The following JMJD1C variants were observed in gnomAD, a reference collection of about 807,000 sequenced individuals.
JMJD1C encodes the protein jumonji domain-containing protein 1C.
A neutral mutation model predicts 245.3 loss-of-function variants in JMJD1C; 31 were observed. That is an observed-to-expected ratio of 0.13 (90% CI 0.09 to 0.17). JMJD1C has a LOEUF of 0.17. JMJD1C is among the 10% of genes least tolerant of loss of function. The probability of loss-of-function intolerance (pLI) is 1.00; values close to 1 mark genes in which losing one functional copy is unlikely to be tolerated. For synonymous variants in JMJD1C, 1,057 were observed against 1,017.4 expected, an observed-to-expected ratio of 1.04 and a Z score of -0.74; for missense variants, 2,691 against 3,000.2, an observed-to-expected ratio of 0.90 and a Z score of 2.41.
chr10:63,338,976 T>C (rs1392153550), intron 2 of JMJD1C, among the ~76,000 whole-genome samples: 17 of 152,186 alleles, frequency 1.1e-4, no homozygotes, highest in Admixed American at 1.1e-3. Context: ...TCATCTTGTG[T>C]AGTATGAAAG....
At chr10:63,501,619 T>C (rs1279661020) in intron 1 of JMJD1C, among the ~76,000 whole-genome samples, 1 of 151,992 alleles carries the variant, frequency 6.6e-6, no homozygotes, top group Non-Finnish European at 1.5e-5. Flanking sequence ...CTACTAAAAA[T>C]ACAAAAATTA....
At chr10:63,390,535 CATT>C (rs2134595717) in intron 1 of JMJD1C, among the ~76,000 whole-genome samples, 1 of 151,632 alleles carries the variant, frequency 6.6e-6, no homozygotes, top group South Asian at 2.1e-4. Flanking sequence ...AAGAGGCCAG[CATT>C]ATATTACCCT....
At chr10:63,317,703 C>T (rs1237598114) in intron 2 of JMJD1C, among the ~76,000 whole-genome samples, 1 of 152,172 alleles carries the variant, frequency 6.6e-6, no homozygotes, top group Non-Finnish European at 1.5e-5. Flanking sequence ...CACCAGAATG[C>T]CAATGGTGCA....
chr10:63,365,911 T>C (rs575074463), intron 2 of JMJD1C, among the ~76,000 whole-genome samples: 6 of 152,210 alleles, frequency 3.9e-5, no homozygotes, highest in Non-Finnish European at 8.8e-5. Context: ...TCTTGGCTGA[T>C]ACGAGTGTTT....
intron 2 of JMJD1C, among the ~76,000 whole-genome samples, chr10:63,366,265 G>A (rs1323939068): frequency 6.6e-6 from 1 of 152,114 alleles, no homozygotes; most frequent in African/African-American, 2.4e-5. Context: ...TTCCCTGTTT[G>A]ACAATATTCT....
Position 63,436,691 on chromosome 10 carries a change from T to C in JMJD1C, c.168+28804A>G, listed in dbSNP as rs1412007320. On this transcript the variant is annotated intron_variant, in intron 1 of 25. Transcript: ENST00000399262. The stretch of plus-strand genomic sequence containing the variant: ...ATTTCTCATTTCTTTGATTTCCTCT[T>C]CTTTAATGATTTTGTCCTCAACCTT... Among the ~76,000 whole-genome samples the C allele has an allele frequency of 2.0e-5, 3 of 152,330 alleles. No homozygotes were observed. The East Asian group carries it at 5.8e-4, about 29-fold the overall frequency.
intron 2 of JMJD1C, among the ~76,000 whole-genome samples, chr10:63,330,735 T>C (rs1042950438): frequency 2.0e-4 from 30 of 152,192 alleles, no homozygotes; most frequent in African/African-American, 7.0e-4. Context: ...TTTTCACAGA[T>C]AATATTCTAA....
At chr10:63,302,297 G>A (rs10995495) in intron 2 of JMJD1C, among the ~76,000 whole-genome samples, 11,898 of 152,144 alleles carry the variant, frequency 0.078, 702 homozygotes, top group East Asian at 0.29. Context: ...AATAAGTTAC[G>A]AGAAGAAAAA....
intron 1 of JMJD1C, among the ~76,000 whole-genome samples, chr10:63,448,914 C>T (rs1951867477): frequency 6.6e-6 from 1 of 151,980 alleles, no homozygotes; most frequent in Non-Finnish European, 1.5e-5. Context: ...GTCAGGAGTT[C>T]GAGCCCAGCC....
intron 1 of JMJD1C, among the ~76,000 whole-genome samples, chr10:63,409,803 A>C (rs1436309969): frequency 6.6e-6 from 1 of 152,116 alleles, no homozygotes; most frequent in Non-Finnish European, 1.5e-5. Context: ...TAGATGCCTG[A>C]GGTCTTTTAC....
intron 18 of JMJD1C, among the ~76,000 whole-genome samples, chr10:63,188,033 T>C (rs1844336766): frequency 6.6e-6 from 1 of 152,212 alleles, no homozygotes; most frequent in Admixed American, 6.5e-5. Context: ...TTCTTGTATA[T>C]GTCCAGCCTC....
chr10:63,480,323 A>AT (rs35705943), intron 1 of JMJD1C, among the ~76,000 whole-genome samples: 10,620 of 145,916 alleles, frequency 0.073, 829 homozygotes, highest in African/African-American at 0.2. Flanking sequence ...CTATAGTTTG[A>AT]TTTTTTTTTT....
chr10:63,441,454 G>A (rs1467697190), intron 1 of JMJD1C, among the ~76,000 whole-genome samples: 1 of 152,150 alleles, frequency 6.6e-6, no homozygotes, highest in Non-Finnish European at 1.5e-5. Flanking sequence ...CCATGGGGAC[G>A]AAGTAAGCTA....
intron 3 of JMJD1C, among the ~76,000 whole-genome samples, chr10:63,247,078 A>G (rs1024777659): frequency 1.4e-4 from 21 of 151,248 alleles, no homozygotes; most frequent in Non-Finnish European, 2.5e-4. Context: ...ACATAATAAA[A>G]GTGAGAACGG....
At chr10:63,498,225 G>T (rs1954422217) in intron 1 of JMJD1C, among the ~76,000 whole-genome samples, 1 of 152,116 alleles carries the variant, frequency 6.6e-6, no homozygotes, top group Admixed American at 6.5e-5. Context: ...TTGAGGATGG[G>T]AGCAAATCAT....
intron 8 of JMJD1C, among the ~76,000 whole-genome samples, 169 bp from the exon 9 acceptor site, chr10:63,209,404 T>C (rs1419786920): frequency 6.6e-6 from 1 of 152,162 alleles, no homozygotes; most frequent in African/African-American, 2.4e-5. Context: ...ATGAGAAATA[T>C]TCAGACAAAT....
At chr10:63,390,927 C>A (rs1421972981) in intron 1 of JMJD1C, among the ~76,000 whole-genome samples, 2 of 152,128 alleles carry the variant, frequency 1.3e-5, no homozygotes, top group Non-Finnish European at 2.9e-5. Context: ...CCTTTAAGAA[C>A]TGGAACAAAA....
At chr10:63,419,202 A>G (rs1262975975) in intron 1 of JMJD1C, among the ~76,000 whole-genome samples, 1 of 150,400 alleles carries the variant, frequency 6.6e-6, no homozygotes, top group Non-Finnish European at 1.5e-5. Flanking sequence ...CCTGACCAAC[A>G]TGGTGAAACC....
chr10:63,498,274 C>T (rs921912075), intron 1 of JMJD1C, among the ~76,000 whole-genome samples: 6 of 152,136 alleles, frequency 3.9e-5, no homozygotes, highest in African/African-American at 1.4e-4. Flanking sequence ...ACATGCTGTA[C>T]AGTTGTAAAA....
Sources: gnomAD v4.1 joint callset for allele counts (sites outside exome capture counted in the v4.1 genomes callset) on GRCh38, gnomAD v4.1.1 for gene constraint, MANE v1.5 for transcripts, NCBI Gene and HGNC (gene_info 2026-07-23, HGNC 2026-07-21) for gene names.